Variants in ZNF558 observed in about 807,000 individuals in gnomAD.
ZNF558 encodes the protein zinc finger protein 558.
In ZNF558, 23 loss-of-function variants were observed where a neutral mutation model predicts 37.6. The observed-to-expected ratio is 0.61, with a 90% CI of 0.44 to 0.87. The LOEUF is 0.87. ZNF558 is among the 40% of genes least tolerant of loss of function. The pLI, the probability that ZNF558 is intolerant of heterozygous loss-of-function variation, is 0.00. For synonymous variants in ZNF558, 189 were observed against 174.4 expected (o/e 1.08, Z -0.66); for missense variants, 429 against 483.7 (o/e 0.89, Z 1.06).
chr19:8,822,125 GC>G lies in ZNF558; in HGVS notation c.32-35del. 3 of 1,612,600 alleles carry G rather than the reference GC, an allele frequency of 1.9e-6. No homozygotes were observed. On this transcript the variant is annotated intron_variant, in intron 5 of 9. Transcript: ENST00000601372. This position sits in a 1 kb window ranked among gnomAD's most constrained non-coding sequence, Gnocchi z 4.4. Reference sequence around the variant, plus strand: ...GGAGAAATGAGTCCCATGGATTCAGGCTTGTCTGACACCCACAGATCTGCCC... The same window carrying G: ...GGAGAAATGAGTCCCATGGATTCAGGTTGTCTGACACCCACAGATCTGCCC...
Position 8,806,234 on chromosome 19 carries a change from G to A in ZNF558, c.*5047C>T, listed in dbSNP as rs1451838356. 1.3e-5 allele frequency: 2 copies of A among 152,128 alleles called. No homozygotes were observed. The highest frequency in any genetic ancestry group is 2.9e-5 in the Non-Finnish European group (2 of 68,036). The allele number at this position is 152,128 out of a possible 1,614,324, so 9.4% of individuals were successfully genotyped here. A position where few individuals can be genotyped will look rare whatever the true frequency, so the allele number is the denominator to read the frequency against. On this transcript the variant is annotated 3_prime_UTR_variant, in exon 10 of 10. Transcript: ENST00000601372. ...CATAAAAGTTGTAAAACTATACAGG[G>A]TTGTTTTATACAGTCAGTACTGATT...
chr19:8,833,938 A>G (rs1212591507), upstream of ZNF558, among the ~76,000 whole-genome samples: 7 of 152,122 alleles, frequency 4.6e-5, no homozygotes, highest in Non-Finnish European at 7.4e-5. Flanking sequence ...AAGTGAGCCG[A>G]GATTGCAGCC....
At chr19:8,834,957 A>C (rs568060793), upstream of ZNF558, among the ~76,000 whole-genome samples, 1 of 152,338 alleles carries the variant, frequency 6.6e-6, no homozygotes, top group Admixed American at 6.5e-5. Flanking sequence ...GACATTTACA[A>C]ATGATTTATC....
rs781560165 is a variant in ZNF558 at position 8,822,608 on chromosome 19, T to C, written c.31+21A>G. On this transcript the variant is annotated intron_variant, in intron 5 of 9. Transcript: ENST00000601372. The surrounding 1 kb of genome is among the most constrained non-coding windows in gnomAD (Gnocchi z 4.4). The stretch of plus-strand genomic sequence containing the variant: ...CCTTTCAAGGCTGGACTCTGAGAAA[T>C]GTCAGGACCCCACGACTCACCAGCA... 3.1e-6 allele frequency: 5 copies of C among 1,614,014 alleles called. No homozygotes were observed. The highest frequency in any genetic ancestry group is 1.7e-4 in the Middle Eastern group (1 of 6,060).
In ZNF558 at chr19:8,807,581, G is replaced by A. The variant is rs549956480; in HGVS notation, c.*3700C>T. ...CTCCAGCTGTATTGGCCTCCTTGTT[G>A]TGGGCCTTTGCATGCCAACACTACT... is the stretch of plus-strand genomic sequence containing the variant. On this transcript the variant is annotated 3_prime_UTR_variant, in exon 10 of 10. Transcript: ENST00000601372. 1 of 152,188 alleles carries A rather than the reference G, an allele frequency of 6.6e-6. No homozygotes were observed. The highest frequency in any genetic ancestry group is 2.1e-4 in the South Asian group (1 of 4,810). The allele number at this position is 152,188 out of a possible 1,614,324, so 9.4% of individuals were successfully genotyped here.
Position 8,811,497 on chromosome 19 carries a change from A to G in ZNF558, c.993T>C (p.Ser331=). 1 of 1,614,128 alleles carries G rather than the reference A, an allele frequency of 6.2e-7. No homozygotes were observed. Among genetic ancestry groups the G allele is most frequent in the South Asian group, 1.1e-5 (1 of 91,070 alleles). ...ECNECGKSFS[S]SFSLTVHKRI... The stretch of plus-strand genomic sequence containing the variant: ...TCTTGTGCACAGTAAGAGAAAAGCT[A>G]CTGCTGAAGGATTTCCCACACTCGT... The change falls in exon 10 of 10, where the codon AGT becomes AGC. Residue 331 remains serine, a synonymous_variant. Transcript: ENST00000601372.
upstream of ZNF558, among the ~76,000 whole-genome samples, chr19:8,835,048 G>GTTTTTTTTTTT (rs777643019): frequency 7.0e-6 from 1 of 142,220 alleles, no homozygotes. Flanking sequence ...TGAACAAAGA[G>GTTTTTTTTTTT]TTTTTTTTTT....
At chr19:8,820,465 T>C (rs2044055715) in intron 7 of ZNF558, among the ~76,000 whole-genome samples, 1 of 152,168 alleles carries the variant, frequency 6.6e-6, no homozygotes, top group African/African-American at 2.4e-5. Context: ...TGGTACAACA[T>C]ACAACATAGC....
At chr19:8,828,082 T>C (rs953583572) in intron 2 of ZNF558, among the ~76,000 whole-genome samples, 17 of 152,180 alleles carry the variant, frequency 1.1e-4, no homozygotes, top group Admixed American at 7.2e-4. Context: ...AATTCCCTTT[T>C]TCAGGGGCCT....
At position 8,812,542 on chromosome 19, in the gene ZNF558, T is replaced by C; in HGVS notation, c.426+19A>G. ...TTCTCCTACTGTAGAAAACCAGAAATCACCCATGTTAGTCTTACCGTTTTT... is the reference window on the plus strand; with the variant it reads ...TTCTCCTACTGTAGAAAACCAGAAACCACCCATGTTAGTCTTACCGTTTTT... On this transcript the variant is annotated intron_variant, in intron 9 of 9. Coordinates refer to ENST00000601372, the MANE Select transcript of ZNF558 (RefSeq NM_144693.3). The C allele has an allele frequency of 6.7e-7, 1 of 1,501,038 alleles. No individual in the cohort carries two copies. Among genetic ancestry groups the C allele is most frequent in the Non-Finnish European group, 8.9e-7 (1 of 1,123,864 alleles). 93.0% of individuals were successfully genotyped at this position (1,501,038 alleles called of 1,614,324 possible).
At chr19:8,821,758 C>G in intron 6 of ZNF558, 8 of 1,345,124 alleles carry the variant, frequency 5.9e-6, no homozygotes, top group Non-Finnish European at 7.6e-6. Context: ...CTTTACTTGG[C>G]TTTCCCTTAA....
In ZNF558 at chr19:8,811,307, T is replaced by C. The variant is rs1555767832; in HGVS notation, c.1183A>G (p.Lys395Glu). 6.3e-7 allele frequency: 1 copy of C among 1,596,584 alleles called. No individual in the cohort carries two copies. The highest frequency in any genetic ancestry group is 1.7e-5 in the Admixed American group (1 of 57,584). The change falls in exon 10 of 10, where the codon AAG becomes GAG. Residue 395 changes from lysine to glutamate, a missense_variant. Coordinates refer to ENST00000601372, the MANE Select transcript of ZNF558 (RefSeq NM_144693.3). Reference sequence around the variant, plus strand: ...CATATCCATCTATTATGTATTCTCTTGTGCACAGAAAGATAGGAGTTACTT... The same window carrying C: ...CATATCCATCTATTATGTATTCTCTCGTGCACAGAAAGATAGGAGTTACTT... ...FTSNSYLSVH[K>E]RIHNRWI
chr19:8,832,138 C>T lies in ZNF558; in HGVS notation c.-593+71G>A, dbSNP rs1487811818. ...CACGGCTCCCTGGAGGGACGCAGGGCCCGTGGCTGGCGGTGTCCGCGGCCC... is the reference window on the plus strand; with the variant it reads ...CACGGCTCCCTGGAGGGACGCAGGGTCCGTGGCTGGCGGTGTCCGCGGCCC... On this transcript the variant is annotated intron_variant, in intron 1 of 9. Coordinates refer to ENST00000601372, the MANE Select transcript of ZNF558 (RefSeq NM_144693.3). The T allele has an allele frequency of 3.9e-5, 6 of 152,368 alleles. No individual in the cohort carries two copies. The East Asian group carries it at 1.2e-3, about 29-fold the overall frequency. The allele number at this position is 152,368 out of a possible 1,614,324, so 9.4% of individuals were successfully genotyped here.
At chr19:8,828,140 G>A (rs911906509) in intron 2 of ZNF558, among the ~76,000 whole-genome samples, 1 of 152,204 alleles carries the variant, frequency 6.6e-6, no homozygotes, top group Non-Finnish European at 1.5e-5. Context: ...GTTCCTTTAA[G>A]GGAAATTCCG....
At chr19:8,812,527 G>T in intron 9 of ZNF558, 34 bp downstream of exon 9, 1 of 1,445,372 alleles carries the variant, frequency 6.9e-7, no homozygotes, top group Non-Finnish European at 9.3e-7. Flanking sequence ...TTCTCCTACT[G>T]TAGAAAACCA....
intron 7 of ZNF558, among the ~76,000 whole-genome samples, chr19:8,820,090 C>T (rs1007904684): frequency 3.3e-5 from 5 of 152,090 alleles, no homozygotes; most frequent in Non-Finnish European, 7.4e-5. Context: ...AAAACAAGAA[C>T]GAGATAGCAC....
chr19:8,835,123 C>T (rs1327297489), upstream of ZNF558, among the ~76,000 whole-genome samples: 1 of 151,334 alleles, frequency 6.6e-6, no homozygotes, highest in Non-Finnish European at 1.5e-5. Context: ...ACCATTTTGG[C>T]TCACTGCATC....
chr19:8,837,477 G>A, the ZNF558 span, among the ~76,000 whole-genome samples: 1 of 152,196 alleles, frequency 6.6e-6, no homozygotes, highest in South Asian at 2.1e-4. Flanking sequence ...TATCCATGTT[G>A]TAACCCACAA....
chr19:8,833,856 G>A (rs11881673), upstream of ZNF558, among the ~76,000 whole-genome samples: 1,423 of 151,864 alleles, frequency 9.4e-3, 20 homozygotes, highest in African/African-American at 0.033. Flanking sequence ...GCGTGGTGGC[G>A]GATGCCTTGT....
Sources: gnomAD v4.1 joint callset for allele counts (sites outside exome capture counted in the v4.1 genomes callset) on GRCh38, gnomAD v4.1.1 for gene constraint, Gnocchi (gnomAD v3.1) non-coding constraint, MANE v1.5 for transcripts, NCBI Gene and HGNC (gene_info 2026-07-23, HGNC 2026-07-21) for gene names.